The following FOXJ3 variants were observed in gnomAD, a reference collection of about 807,000 sequenced individuals.
FOXJ3 encodes forkhead box J3.
Under a neutral mutation model 76.1 loss-of-function variants are expected in FOXJ3, and 22 were observed. That is an observed-to-expected ratio of 0.29 (90% confidence interval 0.21 to 0.41). FOXJ3 has a LOEUF of 0.41. Among genes scored for constraint, FOXJ3 ranks in the 10% least tolerant of loss-of-function variants. The pLI, the probability that FOXJ3 is intolerant of heterozygous loss-of-function variation, is 1.00. For missense variants in FOXJ3, 613 were observed against 762.1 expected (o/e 0.80, Z 2.30); for synonymous variants, 269 against 261.2 (o/e 1.03, Z -0.29).
chr1:42,326,317 C>T (rs549789063), intron 1 of FOXJ3, among the ~76,000 whole-genome samples: 3 of 152,220 alleles, frequency 2.0e-5, no homozygotes, highest in South Asian at 2.1e-4. Flanking sequence ...AAACTGTATA[C>T]GTTTTCTTTG....
chr1:42,212,650 A>C (rs1646986414), intron 5 of FOXJ3, among the ~76,000 whole-genome samples: 1 of 152,114 alleles, frequency 6.6e-6, no homozygotes, highest in Non-Finnish European at 1.5e-5. Context: ...AATTTGGAAA[A>C]CCTATTTGAG....
intron 11 of FOXJ3, among the ~76,000 whole-genome samples, chr1:42,188,489 T>C (rs1646480834): frequency 6.6e-6 from 1 of 152,174 alleles, no homozygotes; most frequent in South Asian, 2.1e-4. Context: ...AGGATAATGG[T>C]TACAACAGTT....
intron 1 of FOXJ3, among the ~76,000 whole-genome samples, chr1:42,317,530 A>C (rs1363627509): frequency 1.3e-5 from 2 of 151,806 alleles, no homozygotes; most frequent in Non-Finnish European, 2.9e-5. Flanking sequence ...AAAAAAAAAA[A>C]AAAAACTTGA....
rs1197006205 is a variant in FOXJ3 at position 42,176,613 on chromosome 1, C to A, written c.*3097G>T. On this transcript the variant is annotated 3_prime_UTR_variant, in exon 13 of 13. Transcript: ENST00000361346. ...CATATCAGTTCTGGCAGCAACAATC[C>A]TAATGACACTTGGAATATTTCTTTA... The A allele has an allele frequency of 6.6e-6, 1 of 152,594 alleles. No homozygotes were observed. The highest frequency in any genetic ancestry group is 6.5e-5 in the Admixed American group (1 of 15,278). The allele number at this position is 152,594 out of a possible 1,614,324, so 9.5% of individuals were successfully genotyped here. A position where few individuals can be genotyped will look rare whatever the true frequency, so the allele number is the denominator to read the frequency against.
At chr1:42,217,607 T>G (rs1326966907) in intron 5 of FOXJ3, among the ~76,000 whole-genome samples, 1 of 152,108 alleles carries the variant, frequency 6.6e-6, no homozygotes, top group Non-Finnish European at 1.5e-5. Flanking sequence ...CATGTCTCTA[T>G]GCTGAGAACC....
At chr1:42,238,438 G>A (rs139939800) in intron 4 of FOXJ3, among the ~76,000 whole-genome samples, 166 of 152,288 alleles carry the variant, frequency 1.1e-3, no homozygotes, top group Admixed American at 4.3e-3. Context: ...GCTGACCTGC[G>A]GGCTGGCAGT....
intron 11 of FOXJ3, among the ~76,000 whole-genome samples, chr1:42,186,961 C>T (rs1197172267): frequency 1.3e-5 from 2 of 152,180 alleles, no homozygotes; most frequent in East Asian, 3.8e-4. Context: ...GATTCCCCTG[C>T]CTCAACCTCC....
At chr1:42,299,334 G>T (rs1272367138) in intron 2 of FOXJ3, among the ~76,000 whole-genome samples, 1 of 149,272 alleles carries the variant, frequency 6.7e-6, no homozygotes, top group Non-Finnish European at 1.5e-5. Flanking sequence ...TCTTCTTGTT[G>T]TATCAAACCC....
chr1:42,319,776 C>A (rs1164533349), intron 1 of FOXJ3, among the ~76,000 whole-genome samples: 1 of 152,156 alleles, frequency 6.6e-6, no homozygotes, highest in African/African-American at 2.4e-5. Flanking sequence ...GCCACAGGAT[C>A]CACCCCCAAA....
At chr1:42,310,448 T>C (rs534173301) in intron 2 of FOXJ3, among the ~76,000 whole-genome samples, 2 of 150,972 alleles carry the variant, frequency 1.3e-5, no homozygotes, top group Admixed American at 6.6e-5. Flanking sequence ...CTGGGCTTTT[T>C]TCTTTTTTTT....
At chr1:42,314,320 G>T (rs757663285) in intron 1 of FOXJ3, among the ~76,000 whole-genome samples, 1 of 152,070 alleles carries the variant, frequency 6.6e-6, no homozygotes, top group East Asian at 1.9e-4. Context: ...GCGCCAACTC[G>T]GCTCACTGCA....
intron 5 of FOXJ3, among the ~76,000 whole-genome samples, chr1:42,219,421 T>C (rs530076211): frequency 6.6e-6 from 1 of 152,322 alleles, no homozygotes; most frequent in South Asian, 2.1e-4. Context: ...ACATGGTATA[T>C]ATAGGGTTCA....
intron 1 of FOXJ3, among the ~76,000 whole-genome samples, chr1:42,312,117 T>C (rs994614418): frequency 9.2e-5 from 14 of 152,262 alleles, no homozygotes; most frequent in Non-Finnish European, 1.8e-4. Flanking sequence ...CCAGTTCTAG[T>C]CAATTGTTGC....
At chr1:42,322,985 A>G (rs374874824) in intron 1 of FOXJ3, among the ~76,000 whole-genome samples, 3 of 152,264 alleles carry the variant, frequency 2.0e-5, no homozygotes, top group Admixed American at 1.3e-4. Context: ...GGAGGGAAAC[A>G]TGTTCTGTTC....
intron 4 of FOXJ3, among the ~76,000 whole-genome samples, chr1:42,243,660 A>C (rs909410051): frequency 6.6e-6 from 1 of 152,202 alleles, no homozygotes; most frequent in African/African-American, 2.4e-5. Context: ...AAAAACAACA[A>C]AAAGAGACAA....
intron 4 of FOXJ3, among the ~76,000 whole-genome samples, chr1:42,250,216 T>C (rs1473389060): frequency 6.6e-6 from 1 of 152,186 alleles, no homozygotes; most frequent in Admixed American, 6.5e-5. Context: ...TTTTACTTTT[T>C]AAAAAATCTC....
At chr1:42,203,310 A>ACT (rs1214793380) in intron 6 of FOXJ3, among the ~76,000 whole-genome samples, 1 of 151,826 alleles carries the variant, frequency 6.6e-6, no homozygotes, top group Non-Finnish European at 1.5e-5. Flanking sequence ...AGTTATTCGA[A>ACT]CTCTCTCTCC....
At chr1:42,268,528 T>TA (rs911576021) in intron 3 of FOXJ3, among the ~76,000 whole-genome samples, 8 of 151,896 alleles carry the variant, frequency 5.3e-5, no homozygotes, top group Middle Eastern at 3.4e-3. Context: ...TTTAATGCTT[T>TA]AAAAAAAACT....
chr1:42,188,757 G>A lies in FOXJ3; in HGVS notation c.1625C>T (p.Pro542Leu). 6.2e-7 allele frequency: 1 copy of A among 1,602,528 alleles called. No homozygotes were observed. Among genetic ancestry groups the A allele is most frequent in the Admixed American group, 1.7e-5 (1 of 58,636 alleles). ...CATACCTGTTCCAATGTGTTGGGAAGGTTTTGTTGGATGCATGGCACCATG... is the reference window on the plus strand; with the variant it reads ...CATACCTGTTCCAATGTGTTGGGAAAGTTTTGTTGGATGCATGGCACCATG... ...VCHGAMHPTK[P>L]SQHIGTGNLY... Residue 542 changes from proline (P) to leucine (L), a missense_variant, in exon 11 of 13, where the codon CCT (proline) becomes CTT (leucine). Pro to Leu is a moderately conservative substitution (Grantham distance 98, BLOSUM62 -3). This residue lies in a region of FOXJ3 where 526 missense variants were observed against 601.4 expected (regional missense o/e 0.87). Transcript: ENST00000361346.
Sources: allele counts gnomAD v4.1 joint callset (sites outside exome capture counted in the v4.1 genomes callset), GRCh38; gene constraint gnomAD v4.1.1; regional missense constraint gnomAD v4.1.1; transcripts MANE v1.5; gene names NCBI Gene and HGNC (gene_info 2026-07-23, HGNC 2026-07-21).